TMEM132D: variants seen among roughly 807,000 people sequenced by gnomAD.
The protein encoded by TMEM132D is transmembrane protein 132D, also known as mature OL transmembrane protein.
Under a neutral mutation model 62.3 loss-of-function variants are expected in TMEM132D, and 21 were observed. That is an observed-to-expected ratio of 0.34 (90% CI 0.24 to 0.49). TMEM132D has a LOEUF of 0.49. TMEM132D is among the 20% of genes least tolerant of loss of function. The pLI, the probability that TMEM132D is intolerant of heterozygous loss-of-function variation, is 0.99. For missense variants in TMEM132D, 1,346 were observed against 1,402.8 expected (o/e 0.96, Z 0.65); for synonymous variants, 621 against 575.6 (o/e 1.08, Z -1.13).
At chr12:129,361,773 A>G (rs1000549935) in intron 3 of TMEM132D, among the ~76,000 whole-genome samples, 1 of 152,242 alleles carries the variant, frequency 6.6e-6, no homozygotes, top group African/African-American at 2.4e-5. Flanking sequence ...CATTTGTACT[A>G]CTTGATCCCC....
At chr12:129,451,282 C>T (rs1451983139) in intron 3 of TMEM132D, among the ~76,000 whole-genome samples, 2 of 152,148 alleles carry the variant, frequency 1.3e-5, no homozygotes, top group African/African-American at 4.8e-5. Flanking sequence ...AGAATTTACC[C>T]AGCTGGCAAG....
chr12:129,540,016 T>C (rs1387172053), intron 2 of TMEM132D, among the ~76,000 whole-genome samples: 1 of 152,094 alleles, frequency 6.6e-6, no homozygotes, highest in Admixed American at 6.5e-5. Context: ...TCTCCTGGAA[T>C]ACATCTGAAT....
intron 4 of TMEM132D, among the ~76,000 whole-genome samples, chr12:129,238,479 C>G (rs191336863): frequency 2.7e-4 from 41 of 152,260 alleles, no homozygotes; most frequent in African/African-American, 9.9e-4. Flanking sequence ...CAACAACTTC[C>G]CTTTACCTTT....
At chr12:129,709,770 GA>G (rs1881597529) in intron 1 of TMEM132D, among the ~76,000 whole-genome samples, 1 of 152,108 alleles carries the variant, frequency 6.6e-6, no homozygotes, top group Non-Finnish European at 1.5e-5. Flanking sequence ...ATTATTGACT[GA>G]ATAAAGAAAG....
chr12:129,510,854 C>G (rs998210889), intron 3 of TMEM132D, among the ~76,000 whole-genome samples: 1 of 152,178 alleles, frequency 6.6e-6, no homozygotes, highest in Non-Finnish European at 1.5e-5. Context: ...AACGAGTTCA[C>G]TGTTGGTATA....
At chr12:129,204,321 A>G (rs1878786672) in intron 5 of TMEM132D, among the ~76,000 whole-genome samples, 1 of 152,250 alleles carries the variant, frequency 6.6e-6, no homozygotes, top group African/African-American at 2.4e-5. Context: ...AGCCATTATA[A>G]AAAAGAAGGA....
chr12:129,244,649 T>A (rs1880044408), intron 4 of TMEM132D, among the ~76,000 whole-genome samples: 1 of 152,080 alleles, frequency 6.6e-6, no homozygotes, highest in Admixed American at 6.5e-5. Context: ...TTTTGTTTTG[T>A]TTTGTTTTTG....
chr12:129,605,604 T>TATATATATATATATACACACACAC (rs150550863), intron 2 of TMEM132D, among the ~76,000 whole-genome samples: 5 of 106,300 alleles, frequency 4.7e-5, no homozygotes, highest in Admixed American at 9.3e-5. Flanking sequence ...TATATATATA[T>TATATATATATATATACACACACAC]ACACACACAT....
rs537431170 is a variant in TMEM132D at position 129,146,941 on chromosome 12, G to A, written c.1444-62239C>T. Among the ~76,000 whole-genome samples the A allele has an allele frequency of 1.0e-3, 157 of 152,184 alleles. 1 individual carries two copies. Among genetic ancestry groups the A allele is most frequent in the African/African-American group, 3.6e-3 (148 of 41,512 alleles). Reference sequence around the variant, plus strand: ...TGAAGAAACTGGCCAAAGGTCACACGGTGAACGCGTGGGCATTGCAAAGAT... The same window carrying A: ...TGAAGAAACTGGCCAAAGGTCACACAGTGAACGCGTGGGCATTGCAAAGAT... On this transcript the variant is annotated intron_variant, in intron 5 of 8. Coordinates refer to ENST00000422113, the MANE Select transcript of TMEM132D (RefSeq NM_133448.3).
intron 4 of TMEM132D, among the ~76,000 whole-genome samples, chr12:129,292,998 C>T (rs759236593): frequency 1.3e-4 from 20 of 152,064 alleles, no homozygotes; most frequent in Non-Finnish European, 2.2e-4. Context: ...TTTCCCAGAA[C>T]GAGCCGAGGA....
chr12:129,180,232 G>T (rs1878027513), intron 5 of TMEM132D, among the ~76,000 whole-genome samples: 1 of 151,778 alleles, frequency 6.6e-6, no homozygotes, highest in Non-Finnish European at 1.5e-5. Context: ...AGGAGGAGGA[G>T]GAGGAAGCAG....
intron 1 of TMEM132D, among the ~76,000 whole-genome samples, chr12:129,846,262 T>C (rs1293381842): frequency 2.0e-5 from 3 of 152,222 alleles, no homozygotes; most frequent in Admixed American, 1.3e-4. Flanking sequence ...ATTCCTGCAT[T>C]TGCATGCTTT....
At chr12:129,834,688 A>AGGGCTCACAGTGC (rs1872948067) in intron 1 of TMEM132D, among the ~76,000 whole-genome samples, 1 of 152,170 alleles carries the variant, frequency 6.6e-6, no homozygotes, top group Non-Finnish European at 1.5e-5. Flanking sequence ...ATCAGGCGGC[A>AGGGCTCACAGTGC]GGGCTCACAG....
intron 5 of TMEM132D, among the ~76,000 whole-genome samples, chr12:129,163,830 A>C (rs1877465966): frequency 6.6e-6 from 1 of 152,214 alleles, no homozygotes; most frequent in Non-Finnish European, 1.5e-5. Flanking sequence ...TGATACAGCG[A>C]TAATTGGCTA....
chr12:129,553,343 C>A (rs1876954791), intron 2 of TMEM132D, among the ~76,000 whole-genome samples: 1 of 152,200 alleles, frequency 6.6e-6, no homozygotes, highest in South Asian at 2.1e-4. Flanking sequence ...TGCCCCCTCA[C>A]TCTCTGCTCT....
Position 129,452,791 on chromosome 12 carries a change from C to T in TMEM132D, c.1115+78268G>A, listed in dbSNP as rs547131516. Among the ~76,000 whole-genome samples, 7 of 152,116 alleles carry T rather than the reference C, an allele frequency of 4.6e-5. No individual in the cohort carries two copies. In the East Asian group the frequency reaches 1.4e-3, roughly 29 times the overall value. On this transcript the variant is annotated intron_variant, in intron 3 of 8. Coordinates refer to ENST00000422113, the MANE Select transcript of TMEM132D (RefSeq NM_133448.3). ...TTTCTGCCAATTTCGTCTGATTTAC[C>T]CTTCTCCCTGCACTTCCTTCTTGTG... is the stretch of plus-strand genomic sequence containing the variant.
chr12:129,793,064 C>T (rs761980573), intron 1 of TMEM132D, among the ~76,000 whole-genome samples: 204 of 147,410 alleles, frequency 1.4e-3, no homozygotes, highest in Non-Finnish European at 2.6e-3. Context: ...TACATTAATG[C>T]TTTTTATTCT....
rs75359194 is a variant in TMEM132D, at chr12:129,465,179, C to G, written c.1115+65880G>C. Among the ~76,000 whole-genome samples, 822 of 152,252 alleles carry G rather than the reference C, an allele frequency of 5.4e-3. 31 individuals carry two copies. The East Asian group carries it at 0.096, about 18-fold the overall frequency. On this transcript the variant is annotated intron_variant, in intron 3 of 8. Transcript: ENST00000422113. ...TGAGTTGTAGTTCTCCTTGAAGAGG[C>G]CCTTCACGTCCCTTGTAATTTGGAT...
rs531369497 is a variant in TMEM132D at position 129,643,847 on chromosome 12, A to ATTT, written c.968+55960_968+55962dup. ...CAATTCCGAACAGAACCAATGTACCATTTTTTTTTTTTTTTTGAGACAGAG... is the reference window on the plus strand; with the variant it reads ...CAATTCCGAACAGAACCAATGTACCATTTTTTTTTTTTTTTTTTTGAGACAGAG... On this transcript the variant is annotated intron_variant, in intron 2 of 8. Transcript: ENST00000422113. Among the ~76,000 whole-genome samples, 11 of 142,226 alleles carry ATTT rather than the reference A, an allele frequency of 7.7e-5. No homozygotes were observed. In the South Asian group the frequency reaches 1.1e-3, roughly 15 times the overall value. 93.3% of individuals were successfully genotyped at this position (142,226 alleles called of 152,430 possible).
Sources: gnomAD v4.1 joint callset for allele counts (sites outside exome capture counted in the v4.1 genomes callset) on GRCh38, gnomAD v4.1.1 for gene constraint, MANE v1.5 for transcripts, NCBI Gene and HGNC (gene_info 2026-07-23, HGNC 2026-07-21) for gene names.